The following RORA variants were observed in gnomAD, a reference collection of about 807,000 sequenced individuals.
RORA encodes RAR related orphan receptor A.
A neutral mutation model predicts 69.5 loss-of-function variants in RORA; 7 were observed. The ratio of observed to expected loss-of-function variants is 0.10; its 90% confidence interval spans 0.06 to 0.19. The LOEUF (loss-of-function observed/expected upper bound fraction) is 0.19, where lower values mean the gene tolerates loss of function less well. Among genes scored for constraint, RORA ranks in the 10% least tolerant of loss-of-function variants. The probability of loss-of-function intolerance (pLI) is 1.00; values close to 1 mark genes in which losing one functional copy is unlikely to be tolerated. For synonymous variants in RORA, 261 were observed against 240.8 expected (o/e 1.08, Z -0.78); for missense variants, 457 against 663.0 (o/e 0.69, Z 3.41).
intron 1 of RORA, among the ~76,000 whole-genome samples, chr15:60,916,613 GAT>G (rs34503904): frequency 0.56 from 85,100 of 151,564 alleles, 25,049 homozygotes; most frequent in Non-Finnish European, 0.65. Flanking sequence ...GAATTGCCTG[GAT>G]ATATATATAT....
intron 2 of RORA, among the ~76,000 whole-genome samples, chr15:60,586,782 T>G (rs1225300093): frequency 6.6e-6 from 1 of 152,190 alleles, no homozygotes; most frequent in Non-Finnish European, 1.5e-5. Flanking sequence ...TTTAAAGGTT[T>G]CGTCTGAGAC....
At chr15:60,935,133 T>C (rs1213668505) in intron 1 of RORA, among the ~76,000 whole-genome samples, 2 of 152,380 alleles carry the variant, frequency 1.3e-5, no homozygotes, top group East Asian at 3.9e-4. Context: ...GCATTTACAC[T>C]GTGTACTACA....
chr15:60,779,427 C>T (rs916002293), intron 1 of RORA, among the ~76,000 whole-genome samples: 4 of 152,202 alleles, frequency 2.6e-5, no homozygotes, highest in African/African-American at 9.7e-5. Flanking sequence ...ATAAGACTCC[C>T]TGAATGGAGG....
intron 1 of RORA, among the ~76,000 whole-genome samples, chr15:60,736,006 T>A (rs2071493144): frequency 6.6e-6 from 1 of 152,172 alleles, no homozygotes; most frequent in East Asian, 1.9e-4. Flanking sequence ...AGCTGTTACC[T>A]CTCCCAATTA....
intron 1 of RORA, among the ~76,000 whole-genome samples, chr15:60,737,453 C>A (rs2071516562): frequency 6.6e-6 from 1 of 152,106 alleles, no homozygotes; most frequent in African/African-American, 2.4e-5. Flanking sequence ...TCTGGACCAG[C>A]GGCATGGGCA....
chr15:61,006,050 C>T (rs1192349483), intron 1 of RORA, among the ~76,000 whole-genome samples: 3 of 152,112 alleles, frequency 2.0e-5, no homozygotes, highest in Non-Finnish European at 4.4e-5. Context: ...CTCACTGCAA[C>T]CTCCACCTCC....
At chr15:60,515,938 TTTA>T (rs1159881809) in intron 3 of RORA, among the ~76,000 whole-genome samples, 194 of 17,722 alleles carry the variant, frequency 0.011, 14 homozygotes, top group Middle Eastern at 0.042. Context: ...TATATATATA[TTTA>T]TATATATTTA....
chr15:60,493,281 C>CA lies in RORA; in HGVS notation c.*4173dup, dbSNP rs2065081692. On this transcript the variant is annotated 3_prime_UTR_variant, in exon 11 of 11. Coordinates refer to ENST00000335670, the MANE Select transcript of RORA (RefSeq NM_134261.3). ...AGTGATTCGATCGACATTCCTTAGC[C>CA]AAAAACAAAAGGCAAAACAAAAAAA... 6.6e-6 allele frequency: 1 copy of CA among 151,372 alleles called. No homozygotes were observed. Among genetic ancestry groups the CA allele is most frequent in the African/African-American group, 2.4e-5 (1 of 41,154 alleles). The allele number at this position is 151,372 out of a possible 1,614,324, so 9.4% of individuals were successfully genotyped here. A position where few individuals can be genotyped will look rare whatever the true frequency, so the allele number is the denominator to read the frequency against.
chr15:60,494,029 C>T lies in RORA; in HGVS notation c.*3426G>A, dbSNP rs1053399074. ...CCCTCAGCCCACCCCCATACGCTCACAGATAACTGGGTATCCACACTATAA... is the reference window on the plus strand; with the variant it reads ...CCCTCAGCCCACCCCCATACGCTCATAGATAACTGGGTATCCACACTATAA... On this transcript the variant is annotated 3_prime_UTR_variant, in exon 11 of 11. Coordinates refer to ENST00000335670, the MANE Select transcript of RORA (RefSeq NM_134261.3). The T allele has an allele frequency of 6.6e-6, 1 of 152,004 alleles. No homozygotes were observed. Among genetic ancestry groups the T allele is most frequent in the African/African-American group, 2.4e-5 (1 of 41,318 alleles). The allele number at this position is 152,004 out of a possible 1,614,324, so 9.4% of individuals were successfully genotyped here.
At chr15:60,688,443 C>A (rs1012517778) in intron 1 of RORA, among the ~76,000 whole-genome samples, 1 of 151,840 alleles carries the variant, frequency 6.6e-6, no homozygotes, top group African/African-American at 2.4e-5. Context: ...ATAACTATTC[C>A]ACAAGGTTAC....
At chr15:60,721,818 T>C (rs2071297440) in intron 1 of RORA, among the ~76,000 whole-genome samples, 1 of 152,272 alleles carries the variant, frequency 6.6e-6, no homozygotes, top group Non-Finnish European at 1.5e-5. Flanking sequence ...AGATTATTTC[T>C]GCAGAGGGTC....
intron 2 of RORA, among the ~76,000 whole-genome samples, chr15:60,592,222 G>A (rs2068542554): frequency 6.6e-6 from 1 of 151,752 alleles, no homozygotes; most frequent in South Asian, 2.1e-4. Flanking sequence ...CCGGGCTCAG[G>A]TGGCGCCGCG....
At chr15:61,197,319 G>A (rs1013299516) in intron 1 of RORA, among the ~76,000 whole-genome samples, 2 of 152,216 alleles carry the variant, frequency 1.3e-5, no homozygotes, top group Non-Finnish European at 2.9e-5. Flanking sequence ...GCCTTACAGG[G>A]AGAACAAAGT....
intron 1 of RORA, among the ~76,000 whole-genome samples, chr15:61,181,019 G>A (rs1018546248): frequency 4.0e-5 from 6 of 149,706 alleles, no homozygotes; most frequent in Non-Finnish European, 8.9e-5. Context: ...TAGGAGAATC[G>A]TTTGAACCTG....
intron 1 of RORA, among the ~76,000 whole-genome samples, chr15:60,830,469 C>T (rs1036586388): frequency 6.6e-6 from 1 of 152,204 alleles, no homozygotes; most frequent in Non-Finnish European, 1.5e-5. Context: ...AAATGTTACA[C>T]TTAATCGCTG....
chr15:60,590,324 C>A (rs1178718250), intron 2 of RORA, among the ~76,000 whole-genome samples: 1 of 152,042 alleles, frequency 6.6e-6, no homozygotes, highest in Non-Finnish European at 1.5e-5. Context: ...GTGGGGGTAG[C>A]GTGTGTGATT....
chr15:61,059,497 C>T (rs763135054), intron 1 of RORA, among the ~76,000 whole-genome samples: 31 of 152,134 alleles, frequency 2.0e-4, no homozygotes, highest in Non-Finnish European at 3.5e-4. Flanking sequence ...ATTACAAGAC[C>T]ATTGTATAAG....
intron 1 of RORA, among the ~76,000 whole-genome samples, chr15:61,042,368 C>A (rs1896820597): frequency 6.6e-6 from 1 of 150,562 alleles, no homozygotes; most frequent in Non-Finnish European, 1.5e-5. Flanking sequence ...CACCCTAGTC[C>A]TAATGAATAA....
At chr15:60,636,115 G>A (rs1018448169) in intron 2 of RORA, among the ~76,000 whole-genome samples, 4 of 152,156 alleles carry the variant, frequency 2.6e-5, no homozygotes. Context: ...TGTGTATCTA[G>A]AAACCTTAGT....
Sources: allele counts gnomAD v4.1 joint callset (sites outside exome capture counted in the v4.1 genomes callset), GRCh38; gene constraint gnomAD v4.1.1; transcripts MANE v1.5; gene names NCBI Gene and HGNC (gene_info 2026-07-23, HGNC 2026-07-21).